The following BDKRB2 variants were observed in gnomAD, a reference collection of about 807,000 sequenced individuals.
BDKRB2 encodes the protein bradykinin receptor B2, also known as B2 bradykinin receptor.
A neutral mutation model predicts 4.0 loss-of-function variants in BDKRB2; 6 were observed. That is an observed-to-expected ratio of 1.49 (90% CI 0.81 to 2.93). BDKRB2 has a LOEUF of 2.93. BDKRB2 is among the 30% of genes most tolerant of loss of function. The pLI is 0.00. For missense variants in BDKRB2, 478 were observed against 520.1 expected, an observed-to-expected ratio of 0.92 and a Z score of 0.79; for synonymous variants, 225 against 215.3, an observed-to-expected ratio of 1.05 and a Z score of -0.40.
chr14:96,214,379 A>G (rs1169426329), intron 1 of BDKRB2, among the ~76,000 whole-genome samples: 2 of 152,134 alleles, frequency 1.3e-5, no homozygotes, highest in Non-Finnish European at 2.9e-5. Flanking sequence ...GAGGACGGGA[A>G]CCAACAGGAA....
At chr14:96,209,079 G>C (rs1439144016) in intron 1 of BDKRB2, among the ~76,000 whole-genome samples, 1 of 152,216 alleles carries the variant, frequency 6.6e-6, no homozygotes, top group East Asian at 1.9e-4. Context: ...AGGGTGGTCT[G>C]CCGGAGAAAG....
intron 1 of BDKRB2, among the ~76,000 whole-genome samples, chr14:96,220,427 A>G (rs1483582294): frequency 6.6e-6 from 1 of 152,082 alleles, no homozygotes; most frequent in Admixed American, 6.5e-5. Flanking sequence ...AGTGTTTTAA[A>G]TCAATTACAA....
chr14:96,225,672 T>G (rs1313921562), intron 1 of BDKRB2, among the ~76,000 whole-genome samples: 1 of 152,174 alleles, frequency 6.6e-6, no homozygotes, highest in Non-Finnish European at 1.5e-5. Context: ...AAACTCCACC[T>G]GTCCCAGCTC....
At chr14:96,210,633 G>A (rs995712706) in intron 1 of BDKRB2, among the ~76,000 whole-genome samples, 11 of 152,172 alleles carry the variant, frequency 7.2e-5, no homozygotes, top group Admixed American at 6.5e-5. Context: ...GGAGATATCC[G>A]AGGCCTTTTC....
At chr14:96,237,793 C>A in intron 2 of BDKRB2, 6 of 1,289,776 alleles carry the variant, frequency 4.7e-6, no homozygotes, top group African/African-American at 1.5e-5. Flanking sequence ...TTTCCAATTC[C>A]GCACTCAGCA....
chr14:96,206,060 G>A (rs1309090210), intron 1 of BDKRB2, among the ~76,000 whole-genome samples: 3 of 152,180 alleles, frequency 2.0e-5, no homozygotes, highest in Non-Finnish European at 4.4e-5. Context: ...GGGGGAACAG[G>A]TAAGCAACCC....
chr14:96,240,694 C>T lies in BDKRB2; in HGVS notation c.366C>T (p.Asp122=). 3 of 1,600,258 alleles carry T rather than the reference C, an allele frequency of 1.9e-6. No homozygotes were observed. Among genetic ancestry groups the T allele is most frequent in the Non-Finnish European group, 2.6e-6 (3 of 1,173,846 alleles). ...CCATCACCATCTCCAACAACTTCGACTGGCTCTTTGGGGAGACGCTCTGCC... is the reference window on the plus strand; with the variant it reads ...CCATCACCATCTCCAACAACTTCGATTGGCTCTTTGGGGAGACGCTCTGCC... ...FWAITISNNF[D]WLFGETLCRV... The change falls in exon 3 of 3, where the codon GAC becomes GAT. Residue 122 remains aspartate, a synonymous_variant. Transcript: ENST00000554311.
intron 1 of BDKRB2, among the ~76,000 whole-genome samples, chr14:96,205,620 G>C (rs148855122): frequency 5.2e-4 from 79 of 152,310 alleles, no homozygotes; most frequent in African/African-American, 1.9e-3. Flanking sequence ...TGGTGCAGGG[G>C]TTCCAAGCAC....
At position 96,236,924 on chromosome 14, in the gene BDKRB2, C is replaced by T. The variant is rs148727468; in HGVS notation, c.-39-145C>T. ...CTGTCAGCTCCTAGCCATTGTATCCCTAGCACCGCTGTGTGGGAGCACTTC... is the reference window on the plus strand; with the variant it reads ...CTGTCAGCTCCTAGCCATTGTATCCTTAGCACCGCTGTGTGGGAGCACTTC... On this transcript the variant is annotated intron_variant, in intron 1 of 2. Coordinates refer to ENST00000554311, the MANE Select transcript of BDKRB2 (RefSeq NM_001379692.1). The T allele has an allele frequency of 3.8e-3, 2,342 of 617,818 alleles. 31 individuals carry two copies. Among genetic ancestry groups the T allele is most frequent in the South Asian group, 0.015 (774 of 51,050 alleles). 38.3% of individuals were successfully genotyped at this position (617,818 alleles called of 1,614,324 possible).
At chr14:96,206,433 C>G (rs1890181715) in intron 1 of BDKRB2, among the ~76,000 whole-genome samples, 1 of 152,142 alleles carries the variant, frequency 6.6e-6, no homozygotes, top group Non-Finnish European at 1.5e-5. Flanking sequence ...GCCTCAATCT[C>G]TTTGGGATTC....
intron 1 of BDKRB2, among the ~76,000 whole-genome samples, chr14:96,235,963 C>T (rs1162333065): frequency 6.6e-6 from 1 of 152,126 alleles, no homozygotes; most frequent in African/African-American, 2.4e-5. Context: ...CACCTCTAGC[C>T]ATGGGACTGA....
At chr14:96,212,652 A>C (rs1890328068) in intron 1 of BDKRB2, among the ~76,000 whole-genome samples, 1 of 152,004 alleles carries the variant, frequency 6.6e-6, no homozygotes, top group South Asian at 2.1e-4. Flanking sequence ...GGTGGTAAAG[A>C]GTAGCCTGCA....
At chr14:96,214,365 G>A (rs914261974) in intron 1 of BDKRB2, among the ~76,000 whole-genome samples, 1 of 152,204 alleles carries the variant, frequency 6.6e-6, no homozygotes, top group Non-Finnish European at 1.5e-5. Flanking sequence ...TGTCATTCCT[G>A]AGAGAGGACG....
At chr14:96,239,339 G>T in intron 2 of BDKRB2, 1 of 983,408 alleles carries the variant, frequency 1.0e-6, no homozygotes, top group Non-Finnish European at 1.2e-6. Flanking sequence ...CAAAATAGAA[G>T]CTCAGAGAGG....
rs751762638 is a variant in BDKRB2, at chr14:96,240,969, G to A, written c.641G>A (p.Ser214Asn). 2 of 1,594,388 alleles carry A rather than the reference G, an allele frequency of 1.3e-6. No homozygotes were observed. The highest frequency in any genetic ancestry group is 1.7e-5 in the Admixed American group (1 of 59,040). ...CACAACGTCACCGCTTGTGTCATCA[G>A]CTACCCATCCCTCATCTGGGAAGTG... ...EGHNVTACVISYPSLIWEVFT... is the reference protein window; with the variant it reads ...EGHNVTACVINYPSLIWEVFT... The change falls in exon 3 of 3, where the codon AGC becomes AAC. Residue 214 changes from serine (S) to asparagine (N), a missense_variant. Physicochemically the swap from Ser to Asn is conservative, Grantham distance 46. Coordinates refer to ENST00000554311, the MANE Select transcript of BDKRB2 (RefSeq NM_001379692.1).
chr14:96,215,967 C>T (rs1362741677), intron 1 of BDKRB2, among the ~76,000 whole-genome samples: 4 of 152,294 alleles, frequency 2.6e-5, no homozygotes, highest in Admixed American at 6.5e-5. Context: ...TCAGCCCCTG[C>T]GCAGTGCGAG....
chr14:96,213,548 G>T (rs141316133), intron 1 of BDKRB2, among the ~76,000 whole-genome samples: 6 of 149,482 alleles, frequency 4.0e-5, no homozygotes, highest in Non-Finnish European at 8.9e-5. Context: ...ACACACACAA[G>T]TTGCTTCTTT....
At chr14:96,217,392 C>A (rs1890450346) in intron 1 of BDKRB2, among the ~76,000 whole-genome samples, 1 of 151,204 alleles carries the variant, frequency 6.6e-6, no homozygotes, top group Admixed American at 6.6e-5. Context: ...ACAAAATAAT[C>A]TATCTTATCA....
chr14:96,228,866 C>T (rs1890756003), intron 1 of BDKRB2, among the ~76,000 whole-genome samples: 1 of 152,224 alleles, frequency 6.6e-6, no homozygotes, highest in Non-Finnish European at 1.5e-5. Flanking sequence ...GACACTTGGC[C>T]TCAGGCAGAC....
Sources: allele counts gnomAD v4.1 joint callset (sites outside exome capture counted in the v4.1 genomes callset), GRCh38; gene constraint gnomAD v4.1.1; transcripts MANE v1.5; gene names NCBI Gene and HGNC (gene_info 2026-07-23, HGNC 2026-07-21).